The following SLC14A2 variants were observed in gnomAD, a reference collection of about 807,000 sequenced individuals.
SLC14A2 encodes solute carrier family 14 member 2, also known as urea transporter 2.
In SLC14A2, 91 loss-of-function variants were observed where a neutral mutation model predicts 104.6. The ratio of observed to expected loss-of-function variants is 0.87; its 90% CI spans 0.73 to 1.04. The LOEUF (loss-of-function observed/expected upper bound fraction) is 1.04. SLC14A2 is among the 50% of genes least tolerant of loss of function. The pLI is 0.00. For missense variants in SLC14A2, 1,189 were observed against 1,156.0 expected (o/e 1.03, Z -0.41); for synonymous variants, 476 against 466.4 (o/e 1.02, Z -0.27).
rs981029694 is a variant in SLC14A2 at position 45,672,794 on chromosome 18, A to G, written c.2230-106A>G. On this transcript the variant is annotated intron_variant, in intron 16 of 19. Coordinates refer to ENST00000255226, the MANE Select transcript of SLC14A2 (RefSeq NM_007163.4). ...ATAGAAACAAAAATCCTGGACATCC[A>G]TTGCAAAATGTTAGTGGGAAGGGTT... 41 of 966,628 alleles carry G rather than the reference A, an allele frequency of 4.2e-5. No homozygotes were observed. In the African/African-American group the frequency reaches 6.4e-4, roughly 15 times the overall value. 59.9% of individuals were successfully genotyped at this position (966,628 alleles called of 1,614,324 possible). A position where few individuals can be genotyped will look rare whatever the true frequency, so the allele number is the denominator to read the frequency against.
At chr18:45,174,205 CAT>C in the SLC14A2 span, among the ~76,000 whole-genome samples, 1 of 152,068 alleles carries the variant, frequency 6.6e-6, no homozygotes, top group Non-Finnish European at 1.5e-5. Context: ...GGGAGCATGT[CAT>C]AGAAGATCTC....
At chr18:45,638,769 C>G (rs1268833935) in intron 6 of SLC14A2, among the ~76,000 whole-genome samples, 1 of 152,190 alleles carries the variant, frequency 6.6e-6, no homozygotes, top group Non-Finnish European at 1.5e-5. Flanking sequence ...ACTACAGAGT[C>G]TTAAAGCTGG....
intron 1 of SLC14A2, among the ~76,000 whole-genome samples, chr18:45,469,925 G>A (rs1430252135): frequency 1.3e-5 from 2 of 152,162 alleles, no homozygotes; most frequent in Non-Finnish European, 2.9e-5. Flanking sequence ...ATGGTAGCAG[G>A]GAGAAGATAC....
chr18:45,381,049 G>C (rs2085829291), intron 1 of SLC14A2, among the ~76,000 whole-genome samples: 1 of 152,208 alleles, frequency 6.6e-6, no homozygotes, highest in South Asian at 2.1e-4. Context: ...CTGTTAGGCT[G>C]TCACCCCTTA....
chr18:45,321,605 C>CTA (rs2085185851), intron 1 of SLC14A2, among the ~76,000 whole-genome samples: 1 of 152,108 alleles, frequency 6.6e-6, no homozygotes, highest in Non-Finnish European at 1.5e-5. Flanking sequence ...GACAGAGTCC[C>CTA]TATAAACAGC....
At chr18:45,669,188 G>T (rs889861715) in intron 15 of SLC14A2, 118 bp from the exon 16 acceptor site, 1 of 813,490 alleles carries the variant, frequency 1.2e-6, no homozygotes, top group Non-Finnish European at 2.0e-6. Flanking sequence ...TCAGGCTCCA[G>T]AGAATACCCA....
At chr18:45,620,109 A>G (rs2045140695) in intron 1 of SLC14A2, among the ~76,000 whole-genome samples, 1 of 152,214 alleles carries the variant, frequency 6.6e-6, no homozygotes, top group Non-Finnish European at 1.5e-5. Context: ...GTAACAGAGT[A>G]AACATTCCCG....
the SLC14A2 span, among the ~76,000 whole-genome samples, chr18:45,170,324 G>A: frequency 2.0e-5 from 3 of 152,148 alleles, no homozygotes; most frequent in Admixed American, 1.3e-4. Flanking sequence ...GCAGGCAGAG[G>A]TTCAAGGTGT....
chr18:45,376,502 AG>A (rs2085776382), intron 1 of SLC14A2, among the ~76,000 whole-genome samples: 1 of 152,206 alleles, frequency 6.6e-6, no homozygotes, highest in Non-Finnish European at 1.5e-5. Context: ...CTGAGAATTA[AG>A]GGAAGTACAA....
intron 2 of SLC14A2, among the ~76,000 whole-genome samples, chr18:45,510,835 C>T (rs1323732728): frequency 2.0e-5 from 3 of 152,256 alleles, no homozygotes; most frequent in Non-Finnish European, 4.4e-5. Flanking sequence ...CCACTCACCT[C>T]ACTTTGCATT....
intron 5 of SLC14A2, among the ~76,000 whole-genome samples, chr18:45,633,875 G>A (rs532296107): frequency 6.6e-6 from 1 of 152,078 alleles, no homozygotes; most frequent in Non-Finnish European, 1.5e-5. Context: ...TTAGGGTTTC[G>A]TTCTTAATCC....
intron 4 of SLC14A2, among the ~76,000 whole-genome samples, chr18:45,629,158 C>A (rs930458023): frequency 7.9e-5 from 12 of 152,222 alleles, no homozygotes; most frequent in African/African-American, 2.9e-4. Context: ...AGTGTTGTAA[C>A]CAACGTCAGG....
chr18:45,462,420 T>C (rs892837640), intron 1 of SLC14A2, among the ~76,000 whole-genome samples: 4 of 152,190 alleles, frequency 2.6e-5, no homozygotes, highest in Admixed American at 1.3e-4. Flanking sequence ...GCAGGGCCCA[T>C]AAATTCCCTA....
intron 1 of SLC14A2, among the ~76,000 whole-genome samples, chr18:45,260,881 T>C (rs1038935580): frequency 3.9e-5 from 6 of 151,988 alleles, no homozygotes; most frequent in South Asian, 2.1e-4. Context: ...AAACTATGCA[T>C]TGGGTATGAT....
intron 1 of SLC14A2, among the ~76,000 whole-genome samples, chr18:45,226,432 A>G (rs1320647498): frequency 6.6e-6 from 1 of 152,148 alleles, no homozygotes; most frequent in Non-Finnish European, 1.5e-5. Flanking sequence ...ATGTCCATCA[A>G]TGACAAATTG....
intron 1 of SLC14A2, among the ~76,000 whole-genome samples, chr18:45,266,485 A>G (rs1398570048): frequency 6.6e-6 from 1 of 152,122 alleles, no homozygotes; most frequent in Non-Finnish European, 1.5e-5. Context: ...CCATCGAGAC[A>G]GAGTTAACTA....
intron 2 of SLC14A2, among the ~76,000 whole-genome samples, chr18:45,518,139 G>T (rs1471745806): frequency 6.6e-6 from 1 of 152,108 alleles, no homozygotes; most frequent in Non-Finnish European, 1.5e-5. Flanking sequence ...TTCTGTAAAA[G>T]AACTGTTACC....
At chr18:45,641,481 T>C in intron 8 of SLC14A2, 138 bp downstream of exon 8, 1 of 925,230 alleles carries the variant, frequency 1.1e-6, no homozygotes, top group Admixed American at 2.1e-5. Flanking sequence ...CTAATGCCAG[T>C]GCTGCCCTTA....
intron 2 of SLC14A2, among the ~76,000 whole-genome samples, chr18:45,598,028 G>A (rs2044738112): frequency 6.6e-6 from 1 of 152,128 alleles, no homozygotes; most frequent in African/African-American, 2.4e-5. Flanking sequence ...CACCCAATCA[G>A]AGGTTCCCAA....
Sources: allele counts gnomAD v4.1 joint callset (sites outside exome capture counted in the v4.1 genomes callset), GRCh38; gene constraint gnomAD v4.1.1; transcripts MANE v1.5; gene names NCBI Gene and HGNC (gene_info 2026-07-23, HGNC 2026-07-21).